PPM1E: variants seen among roughly 807,000 people sequenced by gnomAD.
PPM1E encodes protein phosphatase, Mg2+/Mn2+ dependent 1E.
A neutral mutation model predicts 65.9 loss-of-function variants in PPM1E; 20 were observed. The ratio of observed to expected loss-of-function variants is 0.30; its 90% CI spans 0.21 to 0.44. The LOEUF (loss-of-function observed/expected upper bound fraction) is 0.44. PPM1E is among the 20% of genes least tolerant of loss of function. PPM1E has a pLI of 1.00. For synonymous variants in PPM1E, 352 were observed against 374.9 expected, an observed-to-expected ratio of 0.94 and a Z score of 0.70; for missense variants, 713 against 953.1, an observed-to-expected ratio of 0.75 and a Z score of 3.32.
At chr17:58,880,110 G>A (rs2051177985) in intron 1 of PPM1E, among the ~76,000 whole-genome samples, 1 of 152,190 alleles carries the variant, frequency 6.6e-6, no homozygotes, top group Non-Finnish European at 1.5e-5. Context: ...ATTGTGTGGG[G>A]AGGCTTAAAA....
intron 1 of PPM1E, among the ~76,000 whole-genome samples, chr17:58,763,744 C>G: frequency 6.6e-6 from 1 of 152,104 alleles, no homozygotes; most frequent in Non-Finnish European, 1.5e-5. Context: ...TTTGAACTGC[C>G]ATACCGTGAA....
chr17:58,794,954 T>C (rs1391202164), intron 1 of PPM1E, among the ~76,000 whole-genome samples: 1 of 150,320 alleles, frequency 6.7e-6, no homozygotes, highest in Non-Finnish European at 1.5e-5. Flanking sequence ...AGTGGCATGA[T>C]CTTGGCTCAC....
intron 1 of PPM1E, among the ~76,000 whole-genome samples, chr17:58,881,386 G>A (rs1036679666): frequency 2.0e-5 from 3 of 152,094 alleles, no homozygotes; most frequent in African/African-American, 7.2e-5. Context: ...AAAATTGGCC[G>A]GGCGTGGTGG....
At chr17:58,831,391 A>G (rs1454329970) in intron 1 of PPM1E, among the ~76,000 whole-genome samples, 3 of 152,166 alleles carry the variant, frequency 2.0e-5, no homozygotes, top group Non-Finnish European at 4.4e-5. Context: ...TTTATATGTA[A>G]CTTTTCACAT....
intron 1 of PPM1E, among the ~76,000 whole-genome samples, chr17:58,861,030 A>G (rs1178597141): frequency 6.6e-6 from 1 of 152,246 alleles, no homozygotes; most frequent in African/African-American, 2.4e-5. Context: ...TCAATAGGCC[A>G]GTATTATATG....
intron 1 of PPM1E, among the ~76,000 whole-genome samples, chr17:58,771,364 A>T (rs924352946): frequency 2.6e-5 from 4 of 151,342 alleles, no homozygotes; most frequent in Non-Finnish European, 2.9e-5. Flanking sequence ...AAGGCCGGGC[A>T]TGGTGGCTCC....
intron 1 of PPM1E, among the ~76,000 whole-genome samples, chr17:58,811,660 A>G (rs940674383): frequency 2.6e-5 from 4 of 152,092 alleles, no homozygotes; most frequent in African/African-American, 9.6e-5. Context: ...TACAAAGTGA[A>G]TTAATTTGTG....
chr17:58,862,679 A>G (rs185447420), intron 1 of PPM1E, among the ~76,000 whole-genome samples: 1 of 152,338 alleles, frequency 6.6e-6, no homozygotes, highest in East Asian at 1.9e-4. Context: ...AGATGTGTCA[A>G]TGATTGTATA....
chr17:58,967,492 T>G lies in PPM1E; in HGVS notation c.783+1599T>G, dbSNP rs865915556. Among the ~76,000 whole-genome samples the G allele has an allele frequency of 3.3e-5, 5 of 150,302 alleles. No homozygotes were observed. The South Asian group carries it at 1.1e-3, about 32-fold the overall frequency. ...ATGCACATTCTGATCCTAATTTCATTTATATATATGTGTATATATATATAT... is the reference window on the plus strand; with the variant it reads ...ATGCACATTCTGATCCTAATTTCATGTATATATATGTGTATATATATATAT... On this transcript the variant is annotated intron_variant, in intron 3 of 6. Transcript: ENST00000308249.
intron 1 of PPM1E, among the ~76,000 whole-genome samples, chr17:58,798,386 G>A (rs2050226984): frequency 1.3e-5 from 2 of 151,406 alleles, no homozygotes; most frequent in East Asian, 1.9e-4. Flanking sequence ...GCGCCACCAC[G>A]CCTAATTTTT....
At chr17:58,892,551 T>G (rs1315855424) in intron 1 of PPM1E, among the ~76,000 whole-genome samples, 1 of 152,064 alleles carries the variant, frequency 6.6e-6, no homozygotes, top group African/African-American at 2.4e-5. Context: ...CCAGCCTGGG[T>G]GACAGAGCAA....
chr17:58,806,784 C>T (rs1395295577), intron 1 of PPM1E, among the ~76,000 whole-genome samples: 2 of 150,276 alleles, frequency 1.3e-5, no homozygotes, highest in African/African-American at 2.4e-5. Flanking sequence ...ACTGCAACCT[C>T]CACCTCCTGG....
At chr17:58,822,982 TATGTC>T (rs1179681488) in intron 1 of PPM1E, among the ~76,000 whole-genome samples, 3 of 152,168 alleles carry the variant, frequency 2.0e-5, no homozygotes, top group South Asian at 2.1e-4. Flanking sequence ...GTGAAAAAAA[TATGTC>T]AAGAGAGCTG....
chr17:58,950,904 C>G (rs1264459236), intron 1 of PPM1E, among the ~76,000 whole-genome samples: 2 of 151,514 alleles, frequency 1.3e-5, no homozygotes, highest in South Asian at 2.1e-4. Context: ...TCAGCCTCCC[C>G]AGTAGCTGGG....
chr17:58,881,283 C>T (rs1056647842), intron 1 of PPM1E, among the ~76,000 whole-genome samples: 1 of 152,208 alleles, frequency 6.6e-6, no homozygotes, highest in African/African-American at 2.4e-5. Flanking sequence ...AATCGCAGCA[C>T]TTTGGAGGCT....
At chr17:58,844,139 TCC>T (rs1248826886) in intron 1 of PPM1E, among the ~76,000 whole-genome samples, 2 of 152,162 alleles carry the variant, frequency 1.3e-5, no homozygotes, top group Non-Finnish European at 2.9e-5. Context: ...GGACTGTAGG[TCC>T]TGGGATATTA....
chr17:58,978,049 A>C (rs1289788340), intron 6 of PPM1E, among the ~76,000 whole-genome samples: 1 of 152,206 alleles, frequency 6.6e-6, no homozygotes, highest in South Asian at 2.1e-4. Flanking sequence ...TCTTGTGTCA[A>C]AGAGAACCTA....
At chr17:58,914,713 T>C (rs1567873573) in intron 1 of PPM1E, among the ~76,000 whole-genome samples, 1 of 152,194 alleles carries the variant, frequency 6.6e-6, no homozygotes, top group Non-Finnish European at 1.5e-5. Context: ...TGATATGATG[T>C]GGTGAGTCCA....
intron 1 of PPM1E, among the ~76,000 whole-genome samples, chr17:58,847,462 G>A (rs1449574245): frequency 2.0e-5 from 3 of 152,144 alleles, no homozygotes; most frequent in African/African-American, 7.2e-5. Context: ...GTGTAAGGAA[G>A]GGATCCAGTT....
Sources: gnomAD v4.1 joint callset for allele counts (sites outside exome capture counted in the v4.1 genomes callset) on GRCh38, gnomAD v4.1.1 for gene constraint, MANE v1.5 for transcripts, NCBI Gene and HGNC (gene_info 2026-07-23, HGNC 2026-07-21) for gene names.